The following NPVF variants were observed in gnomAD, a reference collection of about 807,000 sequenced individuals.
NPVF encodes neuropeptide VF precursor.
In NPVF, 17 loss-of-function variants were observed where a neutral mutation model predicts 15.7. That is an observed-to-expected ratio of 1.08 (90% CI 0.74 to 1.62). The LOEUF (loss-of-function observed/expected upper bound fraction) is 1.62. Ranked by LOEUF, NPVF falls within the 40% of genes most tolerant of loss-of-function variation. NPVF has a pLI of 0.00. For synonymous variants in NPVF, 70 were observed against 80.1 expected (o/e 0.87, Z 0.67); for missense variants, 270 against 225.2 (o/e 1.20, Z -1.27).
chr7:25,226,792 G>C lies in NPVF; in HGVS notation c.373C>G (p.Pro125Ala), dbSNP rs1006349931. 44 of 1,614,124 alleles carry C rather than the reference G, an allele frequency of 2.7e-5. No individual in the cohort carries two copies. Among genetic ancestry groups the C allele is most frequent in the Non-Finnish European group, 3.6e-5 (43 of 1,179,978 alleles). ...NMEVSLVRRV[P>A]NLPQRFGRTT... ...CTCCCAAACCTTTGGGGCAGGTTAG[G>C]AACACGTCTCACGAGGCTCACCTCC... The change falls in exon 2 of 3, where the codon CCT becomes GCT. Residue 125 changes from proline (P) to alanine (A), a missense_variant. By Grantham distance (27) the Pro-to-Ala change is conservative (BLOSUM62 -1). Coordinates refer to ENST00000222674, the MANE Select transcript of NPVF (RefSeq NM_022150.3).
Position 25,224,849 on chromosome 7 carries a change from G to T in NPVF, c.*273C>A. On this transcript the variant is annotated 3_prime_UTR_variant, in exon 3 of 3. Transcript: ENST00000222674. The stretch of plus-strand genomic sequence containing the variant: ...GATTTTTATATAGGGTAGTGAGGAG[G>T]GTCCTCTGTCTCTCTCTCCATTATC... 2.5e-6 allele frequency: 1 copy of T among 402,904 alleles called. No homozygotes were observed. The allele number at this position is 402,904 out of a possible 1,614,324, so 25.0% of individuals were successfully genotyped here.
chr7:25,224,909 T>A lies in NPVF; in HGVS notation c.*213A>T, dbSNP rs939423292. The A allele has an allele frequency of 3.9e-6, 2 of 508,542 alleles. No individual in the cohort carries two copies. The highest frequency in any genetic ancestry group is 2.0e-5 in the African/African-American group (1 of 50,104). 31.5% of individuals were successfully genotyped at this position (508,542 alleles called of 1,614,324 possible). Reference sequence around the variant, plus strand: ...TAAAGCATTTGCAATGCTTTTTTTTTATTCAGACAAAAATCATTTTAACTT... The same window carrying A: ...TAAAGCATTTGCAATGCTTTTTTTTAATTCAGACAAAAATCATTTTAACTT... On this transcript the variant is annotated 3_prime_UTR_variant, in exon 3 of 3. Transcript: ENST00000222674.
chr7:25,226,698 C>T lies in NPVF; in HGVS notation c.467G>A (p.Cys156Tyr). The change falls in exon 2 of 3, where the codon TGT becomes TAT. Residue 156 changes from cysteine (C) to tyrosine (Y), a missense_variant. Physicochemically the swap from Cys to Tyr is radical, Grantham distance 194 (BLOSUM62 -2). Coordinates refer to ENST00000222674, the MANE Select transcript of NPVF (RefSeq NM_022150.3). ...DLCQGSMHSP[C>Y]ANDLFYSMTC... ...CATGGAGTAAAATAAGTCATTGGCA[C>T]ATGGTGAATGCATGGATCCTTGACA... is the stretch of plus-strand genomic sequence containing the variant. The T allele has an allele frequency of 6.2e-7, 1 of 1,614,178 alleles. No homozygotes were observed. The highest frequency in any genetic ancestry group is 8.5e-7 in the Non-Finnish European group (1 of 1,180,034).
In NPVF at chr7:25,228,425, T is replaced by C. The variant is rs1783158495; in HGVS notation, c.15A>G (p.Ser5=). The change falls in exon 1 of 3, where the codon TCA becomes TCG. Residue 5 remains serine, a synonymous_variant. Coordinates refer to ENST00000222674, the MANE Select transcript of NPVF (RefSeq NM_022150.3). MEII[S]SKLFILLTLA... ...AAGTCAATAAAATGAATAGTTTTGA[T>C]GAAATAATTTCCATTTTGTCTAAAT... is the stretch of plus-strand genomic sequence containing the variant. The C allele has an allele frequency of 2.5e-6, 4 of 1,587,206 alleles. No homozygotes were observed. The highest frequency in any genetic ancestry group is 3.4e-6 in the Non-Finnish European group (4 of 1,159,832).
rs760905739 is a variant in NPVF at position 25,226,585 on chromosome 7, T to G, written c.539+41A>C. The G allele has an allele frequency of 4.8e-5, 76 of 1,595,250 alleles. 1 individual carries two copies. In the South Asian group the frequency reaches 8.1e-4, roughly 17 times the overall value. On this transcript the variant is annotated intron_variant, in intron 2 of 2. Coordinates refer to ENST00000222674, the MANE Select transcript of NPVF (RefSeq NM_022150.3). ...TTTTAAAGTTTCTAGACCACCTCTA[T>G]ATAACTGCCCATGCACTTTGACTGG...
rs1290140738 is a variant in NPVF, at chr7:25,224,832, T to C, written c.*290A>G. ...AGTGTAACTGTGCCAATGATTTTTA[T>C]ATAGGGTAGTGAGGAGGGTCCTCTG... is the stretch of plus-strand genomic sequence containing the variant. On this transcript the variant is annotated 3_prime_UTR_variant, in exon 3 of 3. Coordinates refer to ENST00000222674, the MANE Select transcript of NPVF (RefSeq NM_022150.3). 4.3e-5 allele frequency: 14 copies of C among 323,952 alleles called. No individual in the cohort carries two copies. The highest frequency in any genetic ancestry group is 7.2e-5 in the Non-Finnish European group (13 of 180,928). 20.1% of individuals were successfully genotyped at this position (323,952 alleles called of 1,614,324 possible).
chr7:25,226,186 T>A (rs577411666), intron 2 of NPVF, among the ~76,000 whole-genome samples: 1 of 152,098 alleles, frequency 6.6e-6, no homozygotes, highest in Admixed American at 6.6e-5. Flanking sequence ...TAAGATGAGA[T>A]CCAGATAAAA....
Position 25,224,911 on chromosome 7 carries a change from T to G in NPVF, c.*211A>C. The G allele has an allele frequency of 2.0e-6, 1 of 508,310 alleles. No homozygotes were observed. Among genetic ancestry groups the G allele is most frequent in the Non-Finnish European group, 3.4e-6 (1 of 291,102 alleles). 31.5% of individuals were successfully genotyped at this position (508,310 alleles called of 1,614,324 possible). A position where few individuals can be genotyped will look rare whatever the true frequency, so the allele number is the denominator to read the frequency against. On this transcript the variant is annotated 3_prime_UTR_variant, in exon 3 of 3. Transcript: ENST00000222674. ...AAGCATTTGCAATGCTTTTTTTTTA[T>G]TCAGACAAAAATCATTTTAACTTTA...
At chr7:25,227,071 G>T in intron 1 of NPVF, 45 bp from the exon 2 acceptor site, 1 of 1,471,476 alleles carries the variant, frequency 6.8e-7, no homozygotes, top group Non-Finnish European at 9.3e-7. Context: ...GTTGTTATAA[G>T]CAACAGATTT....
At chr7:25,228,103 T>C (rs1399446160) in intron 1 of NPVF, among the ~76,000 whole-genome samples, 199 bp downstream of exon 1, 2 of 152,186 alleles carry the variant, frequency 1.3e-5, no homozygotes, top group Non-Finnish European at 2.9e-5. Context: ...ACCAGTACAA[T>C]TGTCATGACA....
chr7:25,226,074 G>T (rs940679633), intron 2 of NPVF, among the ~76,000 whole-genome samples: 1 of 152,102 alleles, frequency 6.6e-6, no homozygotes, highest in Non-Finnish European at 1.5e-5. Flanking sequence ...TACTATAAAA[G>T]AACAGGTAGG....
chr7:25,225,060 TCTTCG>T lies in NPVF; in HGVS notation c.*57_*61del. The T allele has an allele frequency of 7.0e-7, 1 of 1,419,422 alleles. No homozygotes were observed. Among genetic ancestry groups the T allele is most frequent in the South Asian group, 1.2e-5 (1 of 83,656 alleles). The allele number at this position is 1,419,422 out of a possible 1,614,324, so 87.9% of individuals were successfully genotyped here. A position where few individuals can be genotyped will look rare whatever the true frequency, so the allele number is the denominator to read the frequency against. ...TGTATGTAGCTACTCTTCCGTGTGG[TCTTCG>T]CTATAGAGCCATTTGTAGATTACAG... is the stretch of plus-strand genomic sequence containing the variant. On this transcript the variant is annotated 3_prime_UTR_variant, in exon 3 of 3. Transcript: ENST00000222674.
chr7:25,228,415 A>G lies in NPVF; in HGVS notation c.25T>C (p.Phe9Leu), dbSNP rs1783158257. 1 of 1,588,814 alleles carries G rather than the reference A, an allele frequency of 6.3e-7. No individual in the cohort carries two copies. Among genetic ancestry groups the G allele is most frequent in the Non-Finnish European group, 8.6e-7 (1 of 1,159,000 alleles). Residue 9 changes from phenylalanine to leucine, a missense_variant, in exon 1 of 3, where the codon TTC (phenylalanine) becomes CTC (leucine). Transcript: ENST00000222674. MEIISSKLFILLTLATSSL... is the reference protein window; with the variant it reads MEIISSKLLILLTLATSSL... Reference sequence around the variant, plus strand: ...GAAGTGGCTAAAGTCAATAAAATGAATAGTTTTGATGAAATAATTTCCATT... The same window carrying G: ...GAAGTGGCTAAAGTCAATAAAATGAGTAGTTTTGATGAAATAATTTCCATT...
At chr7:25,225,969 G>A (rs540819720) in intron 2 of NPVF, among the ~76,000 whole-genome samples, 1 of 152,126 alleles carries the variant, frequency 6.6e-6, no homozygotes, top group Non-Finnish European at 1.5e-5. Flanking sequence ...TCTCAGATAA[G>A]GTGACACAAT....
chr7:25,225,163 A>G lies in NPVF; in HGVS notation c.550T>C (p.Phe184Leu), dbSNP rs1337770232. Residue 184 changes from phenylalanine to leucine, a missense_variant, in exon 3 of 3, where the codon TTC becomes CTC. Transcript: ENST00000222674. ...PDQKQSRRLLFKKIDDAELKQ... is the reference protein window; with the variant it reads ...PDQKQSRRLLLKKIDDAELKQ... ...AATTCTGCATCATCTATTTTCTTGA[A>G]TAGCAGTCTCCTAAAATGTAAGCAG... The G allele has an allele frequency of 2.5e-6, 4 of 1,606,144 alleles. No individual in the cohort carries two copies. The highest frequency in any genetic ancestry group is 2.6e-6 in the Non-Finnish European group (3 of 1,173,240).
rs1184931520 is a variant in NPVF at position 25,226,775 on chromosome 7, C to A, written c.390G>T (p.Arg130Ser). 1.9e-6 allele frequency: 3 copies of A among 1,614,062 alleles called. No homozygotes were observed. Among genetic ancestry groups the A allele is most frequent in the African/African-American group, 2.7e-5 (2 of 74,930 alleles). ...LVRRVPNLPQ[R>S]FGRTTTAKSV... ...TTTTGGCTGTTGTTGTTCTCCCAAA[C>A]CTTTGGGGCAGGTTAGGAACACGTC... Residue 130 changes from arginine (R) to serine (S), a missense_variant, in exon 2 of 3, where the codon AGG becomes AGT. Physicochemically the swap from Arg to Ser is moderately radical, Grantham distance 110. Transcript: ENST00000222674.
chr7:25,225,372 T>C (rs1783112019), intron 2 of NPVF, among the ~76,000 whole-genome samples, 199 bp from the exon 3 acceptor site: 1 of 152,182 alleles, frequency 6.6e-6, no homozygotes, highest in African/African-American at 2.4e-5. Context: ...GATTCATCTC[T>C]CTCCCTCCAC....
intron 1 of NPVF, among the ~76,000 whole-genome samples, 175 bp from the exon 2 acceptor site, chr7:25,227,201 A>C (rs2245489): frequency 0.57 from 87,175 of 151,964 alleles, 26,229 homozygotes; most frequent in East Asian, 0.83. Flanking sequence ...TTAAAGCAAT[A>C]TAGTTTCTCT....
At chr7:25,225,581 C>T (rs1175634135) in intron 2 of NPVF, among the ~76,000 whole-genome samples, 2 of 152,218 alleles carry the variant, frequency 1.3e-5, no homozygotes, top group Non-Finnish European at 2.9e-5. Context: ...ATCCTTTTTG[C>T]TCTTGCCAAA....
Sources: allele counts gnomAD v4.1 joint callset (sites outside exome capture counted in the v4.1 genomes callset), GRCh38; gene constraint gnomAD v4.1.1; transcripts MANE v1.5; gene names NCBI Gene and HGNC (gene_info 2026-07-23, HGNC 2026-07-21).